Variants in CDC42BPB observed in about 807,000 individuals in gnomAD.
CDC42BPB encodes serine/threonine-protein kinase MRCK beta.
In CDC42BPB, 37 loss-of-function variants were observed where a neutral mutation model predicts 214.9. That is an observed-to-expected ratio of 0.17 (90% CI 0.13 to 0.23). The LOEUF is 0.23. CDC42BPB is among the 10% of genes least tolerant of loss of function. CDC42BPB has a pLI of 1.00. For missense variants in CDC42BPB, 1,694 were observed against 2,227.0 expected (o/e 0.76, Z 4.82); for synonymous variants, 931 against 884.0 (o/e 1.05, Z -0.94).
chr14:103,057,197 C>G lies in CDC42BPB; in HGVS notation c.-24G>C. ...ATGGTGCCGCGCGGCCCGCTCCCGA[C>G]GCGCCGGCCTCTCACCGCCGGCTCG... On this transcript the variant is annotated 5_prime_UTR_variant, in exon 1 of 37. Coordinates refer to ENST00000361246, the MANE Select transcript of CDC42BPB (RefSeq NM_006035.4). 1 of 1,356,434 alleles carries G rather than the reference C, an allele frequency of 7.4e-7. No individual in the cohort carries two copies. The highest frequency in any genetic ancestry group is 9.5e-7 in the Non-Finnish European group (1 of 1,048,260). The allele number at this position is 1,356,434 out of a possible 1,614,324, so 84.0% of individuals were successfully genotyped here. A position where few individuals can be genotyped will look rare whatever the true frequency, so the allele number is the denominator to read the frequency against.
chr14:102,950,535 C>T lies in CDC42BPB; in HGVS notation c.3240G>A (p.Glu1080=), dbSNP rs1892440155. The T allele has an allele frequency of 6.2e-7, 1 of 1,612,448 alleles. No individual in the cohort carries two copies. Among genetic ancestry groups the T allele is most frequent in the African/African-American group, 1.3e-5 (1 of 74,904 alleles). Residue 1080 remains glutamate (E), a synonymous_variant, in exon 25 of 37, where the codon GAG becomes GAA. Coordinates refer to ENST00000361246, the MANE Select transcript of CDC42BPB (RefSeq NM_006035.4). Reference sequence around the variant, plus strand: ...CCACGCCCAGAGGCCTCTTGGACTGCTCGGGAGGTATTGGGCACACCTGGG... The same window carrying T: ...CCACGCCCAGAGGCCTCTTGGACTGTTCGGGAGGTATTGGGCACACCTGGG... The part of the protein sequence containing the change: ...GAPQVCPIPP[E]QSKRPLGVDV...
intron 1 of CDC42BPB, among the ~76,000 whole-genome samples, chr14:103,037,958 G>A (rs912719764): frequency 1.3e-5 from 2 of 151,580 alleles, no homozygotes; most frequent in African/African-American, 4.9e-5. Context: ...GAACCCGGGA[G>A]ACGGAGCTTG....
chr14:102,948,665 G>A (rs1282675606), intron 26 of CDC42BPB, among the ~76,000 whole-genome samples: 3 of 96,776 alleles, frequency 3.1e-5, no homozygotes, highest in East Asian at 7.9e-4. Context: ...AGGTGGGGGG[G>A]TGAGGGAGTG....
intron 30 of CDC42BPB, chr14:102,940,738 C>T (rs941708989): frequency 1.7e-5 from 4 of 237,836 alleles, no homozygotes; most frequent in Non-Finnish European, 3.4e-5. Context: ...ATGGCAAGTC[C>T]GGTTTCCAGG....
At chr14:103,031,842 A>C (rs986740218) in intron 1 of CDC42BPB, among the ~76,000 whole-genome samples, 1 of 152,182 alleles carries the variant, frequency 6.6e-6, no homozygotes, top group Non-Finnish European at 1.5e-5. Context: ...TGGGTGGACA[A>C]GTATCAACTA....
intron 18 of CDC42BPB, 68 bp from the exon 19 acceptor site, chr14:102,964,718 A>G (rs926037575): frequency 5.3e-6 from 8 of 1,496,216 alleles, no homozygotes; most frequent in East Asian, 2.5e-5. Flanking sequence ...ATGTTAACAA[A>G]TAAGTTATCT....
rs942204571 is a variant in CDC42BPB at position 102,935,030 on chromosome 14, G to A, written c.5005-1187C>T. On this transcript the variant is annotated intron_variant, in intron 36 of 36. Transcript: ENST00000361246. ...CTCTGTCTCAAAAAAAAAAAAAAAA[G>A]AAAAAAAGAAAAAAGATCAGCAACA... Among the ~76,000 whole-genome samples the A allele has an allele frequency of 8.0e-3, 1,166 of 146,382 alleles. 19 individuals carry two copies. Among genetic ancestry groups the A allele is most frequent in the African/African-American group, 0.028 (1,102 of 39,686 alleles).
chr14:103,017,508 A>G (rs910561502), intron 1 of CDC42BPB, among the ~76,000 whole-genome samples: 2 of 152,194 alleles, frequency 1.3e-5, no homozygotes, highest in Admixed American at 1.3e-4. Context: ...GAAATCAAGC[A>G]ATCAGAGCGG....
intron 1 of CDC42BPB, among the ~76,000 whole-genome samples, chr14:103,040,055 C>T (rs1421234571): frequency 1.3e-5 from 2 of 152,170 alleles, no homozygotes; most frequent in Non-Finnish European, 2.9e-5. Context: ...GAATTGAACA[C>T]GTAAAAATAG....
Position 103,057,015 on chromosome 14 carries a change from G to C in CDC42BPB, c.159C>G (p.Ala53=). 6.8e-7 allele frequency: 1 copy of C among 1,480,460 alleles called. No homozygotes were observed. Among genetic ancestry groups the C allele is most frequent in the Non-Finnish European group, 8.9e-7 (1 of 1,117,632 alleles). The allele number at this position is 1,480,460 out of a possible 1,614,324, so 91.7% of individuals were successfully genotyped here. The change falls in exon 1 of 37, where the codon GCC becomes GCG. Residue 53 remains alanine, a synonymous_variant. Coordinates refer to ENST00000361246, the MANE Select transcript of CDC42BPB (RefSeq NM_006035.4). The part of the protein sequence containing the change: ...HSALRRDKYV[A]EFLEWAKPFT... ...CGCACTTACCCCACTCGAGGAACTC[G>C]GCCACGTACTTGTCGCGGCGCAGGG...
chr14:102,992,853 G>A (rs2017635), intron 5 of CDC42BPB, among the ~76,000 whole-genome samples: 1 of 150,560 alleles, frequency 6.6e-6, no homozygotes, highest in Non-Finnish European at 1.5e-5. Flanking sequence ...TTGAGACAGA[G>A]TCTCACTCTG....
chr14:103,041,807 G>A (rs1326867106), intron 1 of CDC42BPB: 17 of 413,884 alleles, frequency 4.1e-5, no homozygotes, highest in Admixed American at 2.5e-4. Flanking sequence ...GCCAAGGTGC[G>A]GCGGCTGAAG....
Position 102,986,562 on chromosome 14 carries a change from A to G in CDC42BPB, c.615T>C (p.Asn205=). Reference sequence around the variant, plus strand: ...TATGACCATTCACGTCCAAAAGGACATTGTCAGGTTTAATGTCTCTGTTTG... The same window carrying G: ...TATGACCATTCACGTCCAAAAGGACGTTGTCAGGTTTAATGTCTCTGTTTG... ...HYVHRDIKPD[N]VLLDVNGHIR... is the part of the protein sequence containing the mutation. The change falls in exon 6 of 37, where the codon AAT becomes AAC. Residue 205 remains asparagine, a synonymous_variant. Transcript: ENST00000361246. 3 of 1,613,930 alleles carry G rather than the reference A, an allele frequency of 1.9e-6. No homozygotes were observed. Among genetic ancestry groups the G allele is most frequent in the African/African-American group, 2.7e-5 (2 of 75,064 alleles).
At chr14:102,964,450 G>C in intron 19 of CDC42BPB, 52 bp downstream of exon 19, 2 of 1,598,576 alleles carry the variant, frequency 1.3e-6, no homozygotes, top group South Asian at 1.1e-5. Flanking sequence ...GGGCGGGCTC[G>C]AGGCCACACA....
At chr14:103,032,445 G>C (rs1445036653) in intron 1 of CDC42BPB, among the ~76,000 whole-genome samples, 5 of 148,194 alleles carry the variant, frequency 3.4e-5, no homozygotes, top group Non-Finnish European at 7.4e-5. Flanking sequence ...TCTGTCAAAT[G>C]CCAAATTTGT....
chr14:103,041,935 C>T, intron 1 of CDC42BPB: 1 of 381,464 alleles, frequency 2.6e-6, no homozygotes, highest in Middle Eastern at 1.0e-3. Context: ...CATGCCCATC[C>T]CAAACGTCTG....
In CDC42BPB at chr14:102,932,885, G is replaced by GC. The variant is rs1170406298; in HGVS notation, c.*826_*827insG. On this transcript the variant is annotated 3_prime_UTR_variant, in exon 37 of 37. Coordinates refer to ENST00000361246, the MANE Select transcript of CDC42BPB (RefSeq NM_006035.4). ...CGGGGGCAGGACTGGTGGGGGGGGG[G>GC]GCGGGCAGGGCGGGGCGGGGTGGGG... The GC allele has an allele frequency of 4.1e-5, 5 of 122,530 alleles. No homozygotes were observed. Among genetic ancestry groups the GC allele is most frequent in the Admixed American group, 3.1e-4 (4 of 13,026 alleles). 7.6% of individuals were successfully genotyped at this position (122,530 alleles called of 1,614,324 possible). A position where few individuals can be genotyped will look rare whatever the true frequency, so the allele number is the denominator to read the frequency against.
chr14:102,987,237 C>A (rs1894284858), intron 5 of CDC42BPB, among the ~76,000 whole-genome samples: 1 of 152,236 alleles, frequency 6.6e-6, no homozygotes, highest in Non-Finnish European at 1.5e-5. Context: ...GCAGCACGTG[C>A]TGGAGCAGGA....
intron 26 of CDC42BPB, 37 bp from the exon 27 acceptor site, chr14:102,947,839 C>A: frequency 1.2e-6 from 2 of 1,610,314 alleles, no homozygotes; most frequent in Non-Finnish European, 1.7e-6. Context: ...CTGGGAGACA[C>A]GCGCACAGGA....
Sources: gnomAD v4.1 joint callset for allele counts (sites outside exome capture counted in the v4.1 genomes callset) on GRCh38, gnomAD v4.1.1 for gene constraint, MANE v1.5 for transcripts, NCBI Gene and HGNC (gene_info 2026-07-23, HGNC 2026-07-21) for gene names.